The following BTD variants were observed in gnomAD, a reference collection of about 807,000 sequenced individuals.
BTD encodes biocytinase.
Under a neutral mutation model 17.7 loss-of-function variants are expected in BTD, and 13 were observed. The observed-to-expected ratio is 0.74, with a 90% confidence interval of 0.48 to 1.17. The LOEUF is 1.17. Ranked by LOEUF, BTD falls within the 50% of genes most tolerant of loss-of-function variation. The probability of loss-of-function intolerance (pLI) is 0.00; values close to 1 mark genes in which losing one functional copy is unlikely to be tolerated. For missense variants in BTD, 674 were observed against 650.4 expected (o/e 1.04, Z -0.39); for synonymous variants, 240 against 245.2 (o/e 0.98, Z 0.20).
intron 3 of BTD, chr3:15,668,035 C>T (rs1305451507): frequency 1.3e-5 from 2 of 152,214 alleles, no homozygotes; most frequent in African/African-American, 4.8e-5. Context: ...TCAGGGTTCT[C>T]TTGGAGGACA....
At position 15,644,494 on chromosome 3, in the gene BTD, A is replaced by G. The variant is rs773669239; in HGVS notation, c.578A>G (p.His193Arg). Residue 193 changes from histidine (H) to arginine (R), a missense_variant, in exon 4 of 4, where the codon CAC (histidine) becomes CGC (arginine). Transcript: ENST00000643237. Reference protein sequence around the residue: ...NGTLVDRYRKHNLYFEAAFDV... With the variant: ...NGTLVDRYRKRNLYFEAAFDV... ...ACCCTTGTTGACCGCTACCGTAAAC[A>G]CAACCTCTACTTTGAGGCAGCATTC... 7 of 1,614,184 alleles carry G rather than the reference A, an allele frequency of 4.3e-6. No homozygotes were observed. The highest frequency in any genetic ancestry group is 5.1e-6 in the Non-Finnish European group (6 of 1,180,038).
chr3:15,678,826 T>C (rs1479394613), intron 3 of BTD, among the ~76,000 whole-genome samples: 2 of 152,178 alleles, frequency 1.3e-5, no homozygotes, highest in Admixed American at 6.5e-5. Flanking sequence ...AATCTATAAA[T>C]AGAAAAACCT....
intron 4 of BTD, among the ~76,000 whole-genome samples, chr3:15,721,462 G>C (rs1247056841): frequency 6.6e-6 from 1 of 152,102 alleles, no homozygotes; most frequent in Non-Finnish European, 1.5e-5. Context: ...ATTTACTATA[G>C]AATTAATTAT....
Position 15,644,560 on chromosome 3 carries a change from C to A in BTD, c.644C>A (p.Pro215His). ...LKVDLITFDT[P>H]FAGRFGIFTC... ...GTGGATCTCATCACCTTTGATACCC[C>A]CTTTGCTGGCAGGTTTGGCATCTTC... The change falls in exon 4 of 4, where the codon CCC (proline) becomes CAC (histidine). Residue 215 changes from proline to histidine, a missense_variant. Coordinates refer to ENST00000643237, the MANE Select transcript of BTD (RefSeq NM_001370658.1). 6.2e-7 allele frequency: 1 copy of A among 1,614,154 alleles called. No individual in the cohort carries two copies. The highest frequency in any genetic ancestry group is 8.5e-7 in the Non-Finnish European group (1 of 1,180,036).
chr3:15,672,231 A>G (rs951150717), intron 3 of BTD, among the ~76,000 whole-genome samples: 4 of 151,292 alleles, frequency 2.6e-5, no homozygotes, highest in Admixed American at 2.6e-4. Context: ...TGCACCCTCA[A>G]CCTCTGGGCT....
chr3:15,659,169 C>G (rs945795822), intron 3 of BTD, among the ~76,000 whole-genome samples: 2 of 152,178 alleles, frequency 1.3e-5, no homozygotes, highest in African/African-American at 2.4e-5. Context: ...AATCCTAACT[C>G]AAAATTAGTA....
At chr3:15,713,371 T>A (rs1232988912), downstream of BTD, among the ~76,000 whole-genome samples, 1 of 152,196 alleles carries the variant, frequency 6.6e-6, no homozygotes, top group Non-Finnish European at 1.5e-5. Flanking sequence ...TTTAAACATT[T>A]TAACCTACCA....
chr3:15,701,007 A>C (rs1297576624), intron 3 of BTD, among the ~76,000 whole-genome samples: 1 of 152,192 alleles, frequency 6.6e-6, no homozygotes, highest in African/African-American at 2.4e-5. Context: ...AAATACGTCT[A>C]CCCAAATATT....
chr3:15,668,985 CTTTA>C (rs2066130807), intron 3 of BTD: 1 of 152,612 alleles, frequency 6.6e-6, no homozygotes. Flanking sequence ...CCACACAAAT[CTTTA>C]TTTAAAAGCC....
intron 1 of BTD, chr3:15,631,292 C>G (rs1370695830): frequency 1.4e-6 from 1 of 697,592 alleles, no homozygotes; most frequent in African/African-American, 1.8e-5. Flanking sequence ...TGCTATTCTC[C>G]CTGACAAGTA....
At chr3:15,712,033 C>A (rs1047493497) in exon 4 of BTD, 5 of 827,822 alleles carry the variant, frequency 6.0e-6, no homozygotes, top group Admixed American at 2.4e-5. Context: ...ATTAAATTAT[C>A]CATACTGGAC....
At chr3:15,720,037 T>C (rs2073530237) in intron 4 of BTD, among the ~76,000 whole-genome samples, 1 of 151,996 alleles carries the variant, frequency 6.6e-6, no homozygotes, top group African/African-American at 2.4e-5. Context: ...GCCAAGCTCA[T>C]TTTCTATTTT....
intron 3 of BTD, chr3:15,642,267 C>T: frequency 7.0e-7 from 1 of 1,434,122 alleles, no homozygotes; most frequent in Non-Finnish European, 9.1e-7. Context: ...TGGATCTTTC[C>T]ATTTATTAAT....
chr3:15,653,431 C>T lies in BTD; in HGVS notation c.*7943C>T, dbSNP rs1350083572. Reference sequence around the variant, plus strand: ...TAAACAGAATCCCAGCAACATAGGACGAGGCTGGAATTCCCACACCTGGAC... The same window carrying T: ...TAAACAGAATCCCAGCAACATAGGATGAGGCTGGAATTCCCACACCTGGAC... On this transcript the variant is annotated 3_prime_UTR_variant, in exon 4 of 4. Transcript: ENST00000643237. Among the ~76,000 whole-genome samples the T allele has an allele frequency of 4.6e-5, 7 of 152,238 alleles. No homozygotes were observed. Among genetic ancestry groups the T allele is most frequent in the African/African-American group, 1.4e-4 (6 of 41,458 alleles).
chr3:15,638,262 A>G (rs1442879764), intron 2 of BTD, among the ~76,000 whole-genome samples: 2 of 152,342 alleles, frequency 1.3e-5, no homozygotes, highest in East Asian at 3.9e-4. Context: ...ACATCAGCTA[A>G]GAAAGGAAAC....
chr3:15,678,661 A>G (rs2067211673), intron 3 of BTD, among the ~76,000 whole-genome samples: 1 of 152,200 alleles, frequency 6.6e-6, no homozygotes, highest in African/African-American at 2.4e-5. Context: ...TAATCTGAAT[A>G]CCACCACTTA....
intron 3 of BTD, chr3:15,669,386 C>A (rs1186410108): frequency 6.6e-6 from 1 of 152,092 alleles, no homozygotes; most frequent in Non-Finnish European, 1.5e-5. Flanking sequence ...AAATAGTCTA[C>A]TTTTTGATTT....
chr3:15,601,577 A>G, upstream of BTD: 1 of 1,595,328 alleles, frequency 6.3e-7, no homozygotes, highest in Non-Finnish European at 8.5e-7. Flanking sequence ...TCTGACGGAC[A>G]GGAGGGCAAC....
At chr3:15,603,581 CG>C (rs2064348752) in intron 1 of BTD, among the ~76,000 whole-genome samples, 1 of 152,052 alleles carries the variant, frequency 6.6e-6, no homozygotes, top group Non-Finnish European at 1.5e-5. Flanking sequence ...GGTGTGAACC[CG>C]GGAGGCAGAG....
Sources: allele counts gnomAD v4.1 joint callset (sites outside exome capture counted in the v4.1 genomes callset), GRCh38; gene constraint gnomAD v4.1.1; transcripts MANE v1.5; gene names NCBI Gene and HGNC (gene_info 2026-07-23, HGNC 2026-07-21).